Variants in SIPA1L2 observed in about 807,000 individuals in gnomAD.
The protein encoded by SIPA1L2 is signal-induced proliferation-associated 1-like protein 2.
A neutral mutation model predicts 163.9 loss-of-function variants in SIPA1L2; 56 were observed. The observed-to-expected ratio is 0.34, with a 90% CI of 0.28 to 0.43. SIPA1L2 has a LOEUF of 0.43. SIPA1L2 is among the 20% of genes least tolerant of loss of function. The pLI, the probability that SIPA1L2 is intolerant of heterozygous loss-of-function variation, is 1.00. For missense variants in SIPA1L2, 1,974 were observed against 2,193.5 expected (o/e 0.90, Z 2.00); for synonymous variants, 877 against 865.7 (o/e 1.01, Z -0.23).
Position 232,415,493 on chromosome 1 carries a change from C to T in SIPA1L2, c.4762+1G>A, listed in dbSNP as rs1418986284. On this transcript the variant is annotated splice_donor_variant, in intron 19 of 22. Transcript: ENST00000674635. LOFTEE classifies it high-confidence loss of function. ...GAGGCCAGAGGCTGGTGAGTCTTTA[C>T]CTTCAAATGCCCGTGCAGCATCCAC... 1 of 1,607,424 alleles carries T rather than the reference C, an allele frequency of 6.2e-7. No individual in the cohort carries two copies. Among genetic ancestry groups the T allele is most frequent in the Non-Finnish European group, 8.5e-7 (1 of 1,177,340 alleles).
intron 2 of SIPA1L2, among the ~76,000 whole-genome samples, chr1:232,556,122 C>A (rs1658688231): frequency 6.6e-6 from 1 of 152,178 alleles, no homozygotes; most frequent in Admixed American, 6.5e-5. Flanking sequence ...ACTCAGGATC[C>A]ACTAAGCTGT....
chr1:232,508,903 C>T (rs542771249), intron 3 of SIPA1L2, among the ~76,000 whole-genome samples: 18 of 152,292 alleles, frequency 1.2e-4, no homozygotes, highest in Admixed American at 4.6e-4. Context: ...ACCAGCCTGG[C>T]CAACACGGCG....
chr1:232,485,195 A>C (rs1186491942), intron 5 of SIPA1L2, among the ~76,000 whole-genome samples: 1 of 152,160 alleles, frequency 6.6e-6, no homozygotes, highest in Non-Finnish European at 1.5e-5. Flanking sequence ...AAGGCTATAA[A>C]AGGAAATATC....
chr1:232,435,090 T>C (rs1572892832), intron 15 of SIPA1L2, among the ~76,000 whole-genome samples: 1 of 152,190 alleles, frequency 6.6e-6, no homozygotes, highest in African/African-American at 2.4e-5. Flanking sequence ...TTTTAAAGCC[T>C]TGGATGATCC....
chr1:232,563,956 C>CGTGT (rs34854572), intron 2 of SIPA1L2, among the ~76,000 whole-genome samples: 6,045 of 72,060 alleles, frequency 0.084, 358 homozygotes, highest in Non-Finnish European at 0.096. Flanking sequence ...TTTTTTTTTT[C>CGTGT]GTGTGTGTGT....
chr1:232,420,607 G>A (rs530388106), intron 18 of SIPA1L2, among the ~76,000 whole-genome samples: 3 of 152,196 alleles, frequency 2.0e-5, no homozygotes, highest in South Asian at 2.1e-4. Flanking sequence ...AGGCCGAGGC[G>A]GGCGGATCAC....
chr1:232,528,756 T>G (rs942842462), intron 2 of SIPA1L2, among the ~76,000 whole-genome samples: 7 of 152,230 alleles, frequency 4.6e-5, no homozygotes, highest in African/African-American at 1.7e-4. Flanking sequence ...AAACCTCAAA[T>G]GTTTGACTGG....
At chr1:232,437,318 T>G (rs1248552394) in intron 15 of SIPA1L2, among the ~76,000 whole-genome samples, 6 of 152,166 alleles carry the variant, frequency 3.9e-5, no homozygotes, top group Non-Finnish European at 8.8e-5. Flanking sequence ...CCCGAGATGG[T>G]CTCCACAGTA....
intron 1 of SIPA1L2, among the ~76,000 whole-genome samples, chr1:232,604,285 C>T (rs958808378): frequency 1.3e-5 from 2 of 152,208 alleles, no homozygotes; most frequent in Admixed American, 6.5e-5. Context: ...AAAACCTCTT[C>T]GTTCACTAAA....
At chr1:232,403,334 A>T in intron 21 of SIPA1L2, 114 bp downstream of exon 21, 4 of 1,344,512 alleles carry the variant, frequency 3.0e-6, no homozygotes, top group Non-Finnish European at 4.1e-6. Flanking sequence ...CAGGACTGGG[A>T]AAGGGCATGG....
At chr1:232,491,757 G>A (rs1327995466) in intron 4 of SIPA1L2, among the ~76,000 whole-genome samples, 1 of 152,138 alleles carries the variant, frequency 6.6e-6, no homozygotes, top group Non-Finnish European at 1.5e-5. Context: ...TCTGACTCTG[G>A]TAAGAGTCCT....
At chr1:232,516,917 A>C (rs1216681984) in intron 2 of SIPA1L2, among the ~76,000 whole-genome samples, 1 of 152,220 alleles carries the variant, frequency 6.6e-6, no homozygotes, top group Non-Finnish European at 1.5e-5. Flanking sequence ...ATAGCCTGTC[A>C]TGAGTTTGGA....
intron 7 of SIPA1L2, among the ~76,000 whole-genome samples, chr1:232,471,753 A>G (rs964114518): frequency 6.6e-6 from 1 of 152,184 alleles, no homozygotes; most frequent in Middle Eastern, 3.2e-3. Context: ...TTATTTTAAA[A>G]TTCAATTTGT....
intron 10 of SIPA1L2, among the ~76,000 whole-genome samples, chr1:232,453,536 A>G (rs761740597): frequency 2.0e-5 from 3 of 152,210 alleles, no homozygotes; most frequent in Non-Finnish European, 2.9e-5. Flanking sequence ...TTTAATTCCA[A>G]TCCACCACCT....
chr1:232,437,002 G>A (rs1455948157), intron 15 of SIPA1L2, among the ~76,000 whole-genome samples: 1 of 152,026 alleles, frequency 6.6e-6, no homozygotes, highest in East Asian at 1.9e-4. Context: ...TTAGAGTGGC[G>A]GAAGAAAGTA....
chr1:232,544,928 T>C (rs931908296), intron 2 of SIPA1L2, among the ~76,000 whole-genome samples: 3 of 152,128 alleles, frequency 2.0e-5, no homozygotes, highest in Non-Finnish European at 4.4e-5. Flanking sequence ...GAATCCAGCA[T>C]ATGAATTCTT....
chr1:232,434,111 G>A (rs1269581634), intron 15 of SIPA1L2, among the ~76,000 whole-genome samples: 3 of 152,126 alleles, frequency 2.0e-5, no homozygotes, highest in African/African-American at 7.2e-5. Context: ...TTAACACAGG[G>A]TTCCCGCGGT....
At chr1:232,473,754 A>G (rs1664908013) in intron 7 of SIPA1L2, among the ~76,000 whole-genome samples, 1 of 152,260 alleles carries the variant, frequency 6.6e-6, no homozygotes, top group Non-Finnish European at 1.5e-5. Context: ...CCATGGCCAC[A>G]TAATGCACTT....
Position 232,403,442 on chromosome 1 carries a change from A to G in SIPA1L2, c.4940+6T>C. 1.9e-6 allele frequency: 3 copies of G among 1,612,328 alleles called. No individual in the cohort carries two copies. Among genetic ancestry groups the G allele is most frequent in the Non-Finnish European group, 2.5e-6 (3 of 1,179,226 alleles). On this transcript the variant is annotated splice_donor_region_variant and intron_variant, in intron 21 of 22. Transcript: ENST00000674635. ...AGGAGGGAGGGGTCCACAGGGGCTC[A>G]CATACCCAGTTGTGTCCATGAACTC...
Sources: allele counts gnomAD v4.1 joint callset (sites outside exome capture counted in the v4.1 genomes callset), GRCh38; gene constraint gnomAD v4.1.1; transcripts MANE v1.5; gene names NCBI Gene and HGNC (gene_info 2026-07-23, HGNC 2026-07-21).